SLC26A11: variants seen among roughly 807,000 people sequenced by gnomAD.
SLC26A11 encodes solute carrier family 26 member 11, also known as sodium-independent sulfate anion transporter.
SLC26A11 carries 58 observed loss-of-function variants against 62.2 expected under a neutral mutation model. The ratio of observed to expected loss-of-function variants is 0.93; its 90% CI spans 0.76 to 1.16. The LOEUF (loss-of-function observed/expected upper bound fraction) is 1.16, where lower values mean the gene tolerates loss of function less well. SLC26A11 is among the 50% of genes most tolerant of loss of function. The pLI is 0.00. For synonymous variants in SLC26A11, 411 were observed against 368.9 expected (o/e 1.11, Z -1.31); for missense variants, 790 against 794.3 (o/e 0.99, Z 0.06).
At position 80,223,434 on chromosome 17, in the gene SLC26A11, G is replaced by A; in HGVS notation, c.513+97G>A. 9.0e-7 allele frequency: 1 copy of A among 1,110,972 alleles called. No homozygotes were observed. The highest frequency in any genetic ancestry group is 1.3e-6 in the Non-Finnish European group (1 of 746,708). The allele number at this position is 1,110,972 out of a possible 1,614,324, so 68.8% of individuals were successfully genotyped here. ...ACTGAGGCCAGTCCTGATCCCTGTGGCCAGTGGACGTCTTGCTGTTTCAGA... is the reference window on the plus strand; with the variant it reads ...ACTGAGGCCAGTCCTGATCCCTGTGACCAGTGGACGTCTTGCTGTTTCAGA... On this transcript the variant is annotated intron_variant, in intron 5 of 17. Coordinates refer to ENST00000361193, the MANE Select transcript of SLC26A11 (RefSeq NM_001166347.2). This position sits in a 1 kb window ranked among gnomAD's most constrained non-coding sequence, Gnocchi z 4.6.
Position 80,220,506 on chromosome 17 carries a change from T to TGGC in SLC26A11, c.-214+11_-214+13dup, listed in dbSNP as rs2042117076. 1 of 441,884 alleles carries TGGC rather than the reference T, an allele frequency of 2.3e-6. No homozygotes were observed. The highest frequency in any genetic ancestry group is 4.7e-5 in the Admixed American group (1 of 21,224). The allele number at this position is 441,884 out of a possible 1,614,324, so 27.4% of individuals were successfully genotyped here. On this transcript the variant is annotated intron_variant, in intron 1 of 17. Coordinates refer to ENST00000361193, the MANE Select transcript of SLC26A11 (RefSeq NM_001166347.2). ...CTGCATCGCCGAGTGGGTGAGTCCG[T>TGGC]GGCCCGCGAGGGCGGCGAGCGGGGA...
At chr17:80,229,886 G>A (rs1314979967) in intron 7 of SLC26A11, among the ~76,000 whole-genome samples, 1 of 152,112 alleles carries the variant, frequency 6.6e-6, no homozygotes, top group Non-Finnish European at 1.5e-5. Flanking sequence ...CACGCCCAGG[G>A]GATTCATGGG....
rs779471971 is a variant in SLC26A11, at chr17:80,222,842, G to C, written c.422G>C (p.Arg141Pro). ...ATCCAGCTGGCCATGGGGGTCCTGC[G>C]TTTGGGTGAGGCTCTACCTTCTTGC... Reference protein sequence around the residue: ...GCIQLAMGVLRLGFLLDFISY... With the variant: ...GCIQLAMGVLPLGFLLDFISY... The change falls in exon 4 of 18, where the codon CGT becomes CCT. Residue 141 changes from arginine (R) to proline (P), a missense_variant. Physicochemically the swap from Arg to Pro is moderately radical, Grantham distance 103. Coordinates refer to ENST00000361193, the MANE Select transcript of SLC26A11 (RefSeq NM_001166347.2). This position sits in a 1 kb window ranked among gnomAD's most constrained non-coding sequence, Gnocchi z 4.7. 1.2e-6 allele frequency: 2 copies of C among 1,613,744 alleles called. No individual in the cohort carries two copies. Among genetic ancestry groups the C allele is most frequent in the African/African-American group, 2.7e-5 (2 of 74,892 alleles).
intron 11 of SLC26A11, chr17:80,245,504 T>G: frequency 8.2e-6 from 4 of 490,560 alleles, no homozygotes; most frequent in Non-Finnish European, 1.5e-5. Flanking sequence ...GTTATCCCAT[T>G]TACTCTGGAG....
At chr17:80,225,606 A>C in intron 5 of SLC26A11, 1 of 512,072 alleles carries the variant, frequency 2.0e-6, no homozygotes, top group East Asian at 3.2e-5. Flanking sequence ...TCACTGACCC[A>C]GTAATTGTGA....
intron 7 of SLC26A11, among the ~76,000 whole-genome samples, chr17:80,232,700 G>C (rs7219513): frequency 0.43 from 65,282 of 152,048 alleles, 14,395 homozygotes; most frequent in East Asian, 0.61. Flanking sequence ...TTATTGGTCT[G>C]TTTGACTTTA....
chr17:80,237,021 C>T lies in SLC26A11; in HGVS notation c.830C>T (p.Ala277Val). 1 of 1,614,126 alleles carries T rather than the reference C, an allele frequency of 6.2e-7. No individual in the cohort carries two copies. Among genetic ancestry groups the T allele is most frequent in the Non-Finnish European group, 8.5e-7 (1 of 1,180,004 alleles). Residue 277 changes from alanine to valine, a missense_variant, in exon 8 of 18, where the codon GCT (alanine) becomes GTT (valine). Ala to Val is a moderately conservative substitution (Grantham distance 64, BLOSUM62 0). Coordinates refer to ENST00000361193, the MANE Select transcript of SLC26A11 (RefSeq NM_001166347.2). ...YQPFILTGET[A>V]EGLPPVRIPP... ...CCTTTCATCCTAACAGGGGAGACAG[C>T]TGAGGGGCTCCCTCCAGTCCGGATC...
At chr17:80,239,163 T>C (rs900688505) in intron 9 of SLC26A11, among the ~76,000 whole-genome samples, 37 of 149,330 alleles carry the variant, frequency 2.5e-4, no homozygotes, top group African/African-American at 6.4e-4. Context: ...CACCGCAACC[T>C]CCGCCCCCCA....
chr17:80,236,196 C>T lies in SLC26A11; in HGVS notation c.737-732C>T, dbSNP rs191415048. Among the ~76,000 whole-genome samples the T allele has an allele frequency of 1.6e-4, 25 of 152,316 alleles. No homozygotes were observed. In the East Asian group the frequency reaches 4.8e-3, roughly 29 times the overall value. On this transcript the variant is annotated intron_variant, in intron 7 of 17. Coordinates refer to ENST00000361193, the MANE Select transcript of SLC26A11 (RefSeq NM_001166347.2). ...CCTTGTAACCCTCTTTGTGACTCTT[C>T]CCCACTGTGGGTTTGGGTCATTTTC...
chr17:80,222,853 G>C lies in SLC26A11; in HGVS notation c.427+6G>C. 6.2e-7 allele frequency: 1 copy of C among 1,612,906 alleles called. No individual in the cohort carries two copies. ...CATGGGGGTCCTGCGTTTGGGTGAG[G>C]CTCTACCTTCTTGCCAAGGGGATGC... On this transcript the variant is annotated splice_donor_region_variant and intron_variant, in intron 4 of 17. Coordinates refer to ENST00000361193, the MANE Select transcript of SLC26A11 (RefSeq NM_001166347.2). This position sits in a 1 kb window ranked among gnomAD's most constrained non-coding sequence, Gnocchi z 4.7.
At chr17:80,239,585 T>TTCACCGTGGTC (rs2042802914) in intron 9 of SLC26A11, among the ~76,000 whole-genome samples, 1 of 151,490 alleles carries the variant, frequency 6.6e-6, no homozygotes, top group Non-Finnish European at 1.5e-5. Flanking sequence ...GAGACGGGGT[T>TTCACCGTGGTC]TCACCGTGGT....
At position 80,221,711 on chromosome 17, in the gene SLC26A11, G is replaced by A. The variant is rs1433087773; in HGVS notation, c.151G>A (p.Asp51Asn). 5 of 1,613,756 alleles carry A rather than the reference G, an allele frequency of 3.1e-6. No homozygotes were observed. The East Asian group carries it at 8.9e-5, about 29-fold the overall frequency. The change falls in exon 3 of 18, where the codon GAT becomes AAT. Residue 51 changes from aspartate to asparagine, a missense_variant. By Grantham distance (23) the Asp-to-Asn change is conservative. Transcript: ENST00000361193. ...PSYSLQWLKM[D>N]FVAGLSVGLT... ...CTACTCCCTGCAGTGGCTGAAGATG[G>A]ATTTCGTCGCCGGCCTCTCAGTTGG...
At chr17:80,242,926 C>T (rs1164831264) in intron 10 of SLC26A11, among the ~76,000 whole-genome samples, 8 of 152,156 alleles carry the variant, frequency 5.3e-5, no homozygotes, top group Admixed American at 5.2e-4. Context: ...TCAGGCTGGT[C>T]TCAAACTCCT....
At chr17:80,240,441 C>G (rs79204024) in intron 9 of SLC26A11, among the ~76,000 whole-genome samples, 1 of 152,044 alleles carries the variant, frequency 6.6e-6, no homozygotes, top group Non-Finnish European at 1.5e-5. Flanking sequence ...GCCTGCTCAC[C>G]TCTCTGAGAT....
chr17:80,231,067 G>A (rs1326169081), intron 7 of SLC26A11, among the ~76,000 whole-genome samples: 1 of 144,362 alleles, frequency 6.9e-6, no homozygotes, highest in Non-Finnish European at 1.5e-5. Context: ...TTTTGCTTTG[G>A]TTTTCTAGTT....
At chr17:80,237,481 C>T in intron 8 of SLC26A11, 41 bp from the exon 9 acceptor site, 1 of 1,572,148 alleles carries the variant, frequency 6.4e-7, no homozygotes, top group Non-Finnish European at 8.7e-7. Context: ...TGGGTCCTAC[C>T]CCTTAGGAAG....
intron 16 of SLC26A11, among the ~76,000 whole-genome samples, chr17:80,249,773 G>A (rs1362643041): frequency 1.3e-5 from 2 of 152,142 alleles, no homozygotes; most frequent in African/African-American, 2.4e-5. Context: ...AGTCAGGTGT[G>A]GTGGCGAGCG....
In SLC26A11 at chr17:80,248,665, G is replaced by C; in HGVS notation, c.1513G>C (p.Ala505Pro). The part of the protein sequence containing the change: ...EALREEILSR[A>P]LEVSPPRCLV... ...TCTGCGGGAGGAGATCCTAAGCCGG[G>C]CCCTGGAAGGTGCATGGGCGGGGGT... is the stretch of plus-strand genomic sequence containing the variant. Residue 505 changes from alanine to proline, a missense_variant, in exon 15 of 18, where the codon GCC becomes CCC. Transcript: ENST00000361193. 6.4e-7 allele frequency: 1 copy of C among 1,571,330 alleles called. No homozygotes were observed. Among genetic ancestry groups the C allele is most frequent in the African/African-American group, 1.4e-5 (1 of 74,034 alleles).
At chr17:80,244,961 CCA>C (rs2144963406) in intron 10 of SLC26A11, among the ~76,000 whole-genome samples, 1 of 139,824 alleles carries the variant, frequency 7.2e-6, no homozygotes, top group South Asian at 2.4e-4. Flanking sequence ...GGCAACAAAG[CCA>C]GACTCTGTCT....
Sources: gnomAD v4.1 joint callset for allele counts (sites outside exome capture counted in the v4.1 genomes callset) on GRCh38, gnomAD v4.1.1 for gene constraint, Gnocchi (gnomAD v3.1) non-coding constraint, MANE v1.5 for transcripts, NCBI Gene and HGNC (gene_info 2026-07-23, HGNC 2026-07-21) for gene names.